SIPA1L2: variants seen among roughly 807,000 people sequenced by gnomAD.
The protein encoded by SIPA1L2 is signal-induced proliferation-associated 1-like protein 2.
A neutral mutation model predicts 163.9 loss-of-function variants in SIPA1L2; 56 were observed. The observed-to-expected ratio is 0.34, with a 90% CI of 0.28 to 0.43. SIPA1L2 has a LOEUF of 0.43. Ranked by LOEUF, SIPA1L2 falls within the 20% of genes least tolerant of loss-of-function variation. SIPA1L2 has a pLI of 1.00. For missense variants in SIPA1L2, 1,974 were observed against 2,193.5 expected (o/e 0.90, Z 2.00); for synonymous variants, 877 against 865.7 (o/e 1.01, Z -0.23).
chr1:232,587,890 T>G (rs1660754082), intron 1 of SIPA1L2, among the ~76,000 whole-genome samples: 1 of 152,168 alleles, frequency 6.6e-6, no homozygotes, highest in Non-Finnish European at 1.5e-5. Flanking sequence ...TCCACTTGGC[T>G]CTCACTCTTC....
chr1:232,402,473 C>T lies in SIPA1L2; in HGVS notation c.4941G>A (p.Gly1647=), dbSNP rs1660402419. Residue 1647 remains glycine (G), a splice_region_variant and synonymous_variant, in exon 22 of 23, where the codon GGG becomes GGA. Transcript: ENST00000674635. ...CGGTCAGTGGTGATGGAGAACGCTC[C>T]CTAGCAAATAAGGATAGAATTAGAA... ...GSGKEFMDTT[G]ERSPSPLTGK... The T allele has an allele frequency of 6.2e-7, 1 of 1,611,754 alleles. No individual in the cohort carries two copies. The highest frequency in any genetic ancestry group is 1.7e-5 in the Admixed American group (1 of 59,750).
At chr1:232,434,901 C>G (rs1461087335) in intron 15 of SIPA1L2, among the ~76,000 whole-genome samples, 1 of 152,190 alleles carries the variant, frequency 6.6e-6, no homozygotes, top group African/African-American at 2.4e-5. Flanking sequence ...GGACATCCCC[C>G]CAGTAGTTAA....
At chr1:232,619,042 G>C (rs959392598) in intron 1 of SIPA1L2, among the ~76,000 whole-genome samples, 4 of 152,114 alleles carry the variant, frequency 2.6e-5, no homozygotes, top group African/African-American at 9.7e-5. Flanking sequence ...TGCATCTCTG[G>C]AGTTGCAAAA....
intron 1 of SIPA1L2, among the ~76,000 whole-genome samples, chr1:232,616,398 A>C (rs1662500344): frequency 6.6e-6 from 1 of 152,238 alleles, no homozygotes; most frequent in African/African-American, 2.4e-5. Context: ...AAATTAGGTC[A>C]GGTCATAGTA....
Position 232,514,550 on chromosome 1 carries a change from C to A in SIPA1L2, c.790G>T (p.Val264Leu), listed in dbSNP as rs192976302. ...EFVRISGLDY[V>L]DSALLMGRDR... ...CTCCCCATCAGGAGGGCACTGTCCA[C>A]ATAATCTAATCCTGAGATGCGGACA... Residue 264 changes from valine (V) to leucine (L), a missense_variant, in exon 3 of 23, where the codon GTG (valine) becomes TTG (leucine). Physicochemically the swap from Val to Leu is conservative, Grantham distance 32. This residue lies in a region of SIPA1L2 where 607 missense variants were observed against 624.0 expected (regional missense o/e 0.97). Coordinates refer to ENST00000674635, the MANE Select transcript of SIPA1L2 (RefSeq NM_020808.5). 6.2e-7 allele frequency: 1 copy of A among 1,614,184 alleles called. No individual in the cohort carries two copies. Among genetic ancestry groups the A allele is most frequent in the Admixed American group, 1.7e-5 (1 of 60,024 alleles).
chr1:232,582,518 T>C (rs1047707805), intron 1 of SIPA1L2, among the ~76,000 whole-genome samples: 1 of 152,240 alleles, frequency 6.6e-6, no homozygotes, highest in African/African-American at 2.4e-5. Context: ...CAGTATTCCA[T>C]AGTGTATATA....
chr1:232,442,534 C>T (rs1230084437), intron 12 of SIPA1L2, among the ~76,000 whole-genome samples: 3 of 143,572 alleles, frequency 2.1e-5, no homozygotes, highest in Non-Finnish European at 4.5e-5. Context: ...GGCGACAGAC[C>T]GAGACTCCAT....
chr1:232,587,668 C>G (rs1025746629), intron 1 of SIPA1L2, among the ~76,000 whole-genome samples: 2 of 152,182 alleles, frequency 1.3e-5, no homozygotes, highest in African/African-American at 4.8e-5. Context: ...ATGAAGAGAT[C>G]AGTCACCTCA....
intron 1 of SIPA1L2, among the ~76,000 whole-genome samples, chr1:232,580,737 C>A (rs965013089): frequency 1.3e-5 from 2 of 152,064 alleles, no homozygotes; most frequent in Non-Finnish European, 2.9e-5. Flanking sequence ...CAAAGGAGGG[C>A]CTTAGAGAAA....
intron 10 of SIPA1L2, 46 bp from the exon 11 acceptor site, chr1:232,445,832 G>A: frequency 1.3e-6 from 2 of 1,586,674 alleles, no homozygotes; most frequent in Non-Finnish European, 1.7e-6. Flanking sequence ...TCTCAGCTGA[G>A]CTGTCAGCAT....
chr1:232,592,010 T>C (rs558526486), intron 1 of SIPA1L2, among the ~76,000 whole-genome samples: 47 of 152,232 alleles, frequency 3.1e-4, no homozygotes, highest in Non-Finnish European at 5.7e-4. Flanking sequence ...TGAGCCCTTA[T>C]GTCCCTTTTT....
intron 22 of SIPA1L2, 114 bp downstream of exon 22, chr1:232,402,278 G>A: frequency 1.3e-6 from 1 of 796,092 alleles, no homozygotes; most frequent in East Asian, 2.9e-5. Context: ...ATTTATCATT[G>A]GTTTTTGTGT....
At chr1:232,522,597 A>G (rs1403666774) in intron 2 of SIPA1L2, among the ~76,000 whole-genome samples, 1 of 151,764 alleles carries the variant, frequency 6.6e-6, no homozygotes, top group Non-Finnish European at 1.5e-5. Flanking sequence ...GGGAAGACAT[A>G]GACATGTCCT....
At chr1:232,428,910 T>C (rs1028596837) in intron 16 of SIPA1L2, among the ~76,000 whole-genome samples, 2 of 152,148 alleles carry the variant, frequency 1.3e-5, no homozygotes, top group Non-Finnish European at 2.9e-5. Context: ...GAGATGATCA[T>C]ATGTCTTTCG....
At chr1:232,604,171 G>A (rs1297842188) in intron 1 of SIPA1L2, among the ~76,000 whole-genome samples, 1 of 150,090 alleles carries the variant, frequency 6.7e-6, no homozygotes, top group African/African-American at 2.5e-5. Flanking sequence ...AACTTCCCCT[G>A]TGAGAATCTA....
intron 1 of SIPA1L2, among the ~76,000 whole-genome samples, chr1:232,623,971 G>C (rs950260908): frequency 6.6e-6 from 1 of 151,978 alleles, no homozygotes; most frequent in African/African-American, 2.4e-5. Context: ...TTGAGATGCA[G>C]AGAAAATACT....
chr1:232,552,512 A>T (rs1658450047), intron 2 of SIPA1L2, among the ~76,000 whole-genome samples: 1 of 151,930 alleles, frequency 6.6e-6, no homozygotes, highest in South Asian at 2.1e-4. Context: ...CTAGGACTAC[A>T]GGCATATGCC....
chr1:232,617,412 C>A (rs1402651592), intron 1 of SIPA1L2, among the ~76,000 whole-genome samples: 1 of 152,216 alleles, frequency 6.6e-6, no homozygotes, highest in Admixed American at 6.5e-5. Context: ...ACATAAATAT[C>A]TGACAGAAAT....
intron 3 of SIPA1L2, among the ~76,000 whole-genome samples, chr1:232,500,579 A>T (rs1666417281): frequency 6.6e-6 from 1 of 152,346 alleles, no homozygotes; most frequent in Middle Eastern, 3.4e-3. Flanking sequence ...GAGAACTAGA[A>T]TTAGAAATTG....
Sources: allele counts gnomAD v4.1 joint callset (sites outside exome capture counted in the v4.1 genomes callset), GRCh38; gene constraint gnomAD v4.1.1; regional missense constraint gnomAD v4.1.1; transcripts MANE v1.5; gene names NCBI Gene and HGNC (gene_info 2026-07-23, HGNC 2026-07-21).